Variants in TANC1 observed in about 807,000 individuals in gnomAD.
TANC1 encodes the protein tetratricopeptide repeat, ankyrin repeat and coiled-coil containing 1, also known as protein TANC1.
A neutral mutation model predicts 149.7 loss-of-function variants in TANC1; 77 were observed. The ratio of observed to expected loss-of-function variants is 0.51; its 90% CI spans 0.43 to 0.62. TANC1 has a LOEUF of 0.62. Ranked by LOEUF, TANC1 falls within the 20% of genes least tolerant of loss-of-function variation. TANC1 has a pLI of 0.00. For synonymous variants in TANC1, 854 were observed against 925.0 expected, an observed-to-expected ratio of 0.92 and a Z score of 1.39; for missense variants, 1,985 against 2,321.8, an observed-to-expected ratio of 0.85 and a Z score of 2.98.
At chr2:159,142,051 G>A (rs1383938172) in intron 5 of TANC1, among the ~76,000 whole-genome samples, 1 of 152,198 alleles carries the variant, frequency 6.6e-6, no homozygotes, top group Admixed American at 6.5e-5. Context: ...TGAAGTTATA[G>A]GTATGTGATA....
intron 3 of TANC1, among the ~76,000 whole-genome samples, chr2:159,079,393 G>GT (rs2044035124): frequency 7.7e-6 from 1 of 130,086 alleles, no homozygotes; most frequent in Admixed American, 9.3e-5. Context: ...TTCAGACAGT[G>GT]TGCTGCATGT....
At chr2:159,061,212 G>C (rs975688216) in intron 2 of TANC1, among the ~76,000 whole-genome samples, 1 of 152,138 alleles carries the variant, frequency 6.6e-6, no homozygotes, top group Non-Finnish European at 1.5e-5. Context: ...TTCAGTTTTA[G>C]TTGTAGTAAC....
chr2:159,066,045 AT>A (rs2042630576), intron 3 of TANC1, 74 bp downstream of exon 3: 1 of 1,218,898 alleles, frequency 8.2e-7, no homozygotes, highest in Admixed American at 1.7e-5. Flanking sequence ...GGCCGGATGG[AT>A]TTGTTGCTTT....
intron 2 of TANC1, among the ~76,000 whole-genome samples, chr2:159,057,574 A>G (rs1283526568): frequency 6.6e-6 from 1 of 152,238 alleles, no homozygotes; most frequent in Non-Finnish European, 1.5e-5. Flanking sequence ...GTAGAAGGAT[A>G]TTAATTTTAC....
intron 16 of TANC1, 72 bp from the exon 17 acceptor site, chr2:159,194,185 G>A: frequency 8.2e-7 from 1 of 1,224,474 alleles, no homozygotes; most frequent in South Asian, 1.2e-5. Context: ...GAAAATTGAG[G>A]ATACTGCCCA....
At chr2:159,147,062 C>T (rs1031626495) in intron 5 of TANC1, among the ~76,000 whole-genome samples, 1 of 152,168 alleles carries the variant, frequency 6.6e-6, no homozygotes, top group African/African-American at 2.4e-5. Flanking sequence ...GGATCAGGGT[C>T]CTCCTGCCAG....
chr2:159,046,589 C>CTTTTTTTTTTTTTTTTTTT (rs57208685), intron 2 of TANC1, among the ~76,000 whole-genome samples: 3 of 84,388 alleles, frequency 3.6e-5, no homozygotes, highest in African/African-American at 1.1e-4. Context: ...CTTTTCTTTA[C>CTTTTTTTTTTTTTTTTTTT]TTTTTTTTTT....
intron 4 of TANC1, among the ~76,000 whole-genome samples, chr2:159,122,966 C>T (rs757028038): frequency 6.6e-6 from 1 of 152,042 alleles, no homozygotes; most frequent in Non-Finnish European, 1.5e-5. Context: ...CTCAGTGCAA[C>T]CTAGTCAGGT....
chr2:159,092,914 A>G (rs1243749171), intron 3 of TANC1, among the ~76,000 whole-genome samples: 1 of 152,182 alleles, frequency 6.6e-6, no homozygotes, highest in Non-Finnish European at 1.5e-5. Context: ...AGTGGTGAGA[A>G]TGTTAGAGCC....
intron 10 of TANC1, among the ~76,000 whole-genome samples, chr2:159,171,221 T>G (rs1352954079): frequency 6.6e-6 from 1 of 152,226 alleles, no homozygotes; most frequent in Admixed American, 6.5e-5. Context: ...TTTCCAAAAT[T>G]ATAAAGACAT....
chr2:158,981,745 A>C (rs1422535743), intron 1 of TANC1, among the ~76,000 whole-genome samples: 1 of 151,558 alleles, frequency 6.6e-6, no homozygotes, highest in Non-Finnish European at 1.5e-5. Context: ...TTGGTGGTTG[A>C]ATTTTATTCC....
In TANC1 at chr2:159,219,729, A is replaced by C; in HGVS notation, c.3540A>C (p.Ser1180=). 6.2e-7 allele frequency: 1 copy of C among 1,614,206 alleles called. No individual in the cohort carries two copies. The highest frequency in any genetic ancestry group is 8.5e-7 in the Non-Finnish European group (1 of 1,180,048). ...ALSSLDKEGL[S]ALSWACLKGH... Reference sequence around the variant, plus strand: ...CTTCTCTAGACAAAGAGGGTCTGTCAGCATTAAGCTGGGCTTGTCTGAAAG... The same window carrying C: ...CTTCTCTAGACAAAGAGGGTCTGTCCGCATTAAGCTGGGCTTGTCTGAAAG... The change falls in exon 22 of 27, where the codon TCA becomes TCC. Residue 1180 remains serine, a synonymous_variant. Transcript: ENST00000263635.
At chr2:159,160,212 C>T (rs2053905442) in intron 7 of TANC1, among the ~76,000 whole-genome samples, 1 of 152,074 alleles carries the variant, frequency 6.6e-6, no homozygotes, top group Non-Finnish European at 1.5e-5. Flanking sequence ...TGATAGCAAG[C>T]TGTAATTGAC....
At chr2:159,089,800 C>G (rs894804562) in intron 3 of TANC1, among the ~76,000 whole-genome samples, 1 of 152,244 alleles carries the variant, frequency 6.6e-6, no homozygotes, top group Non-Finnish European at 1.5e-5. Context: ...GAGCAGGGCA[C>G]TGGCACTCTT....
chr2:159,138,455 T>G (rs1465076468), intron 5 of TANC1, among the ~76,000 whole-genome samples: 60 of 145,132 alleles, frequency 4.1e-4, no homozygotes, highest in Admixed American at 3.8e-3. Flanking sequence ...ATGGAGTCCC[T>G]TAAATTTCAA....
chr2:159,230,247 C>T lies in TANC1; in HGVS notation c.4821C>T (p.Val1607=). The change falls in exon 27 of 27, where the codon GTC becomes GTT. Residue 1607 remains valine (V), a synonymous_variant. Coordinates refer to ENST00000263635, the MANE Select transcript of TANC1 (RefSeq NM_033394.3). The surrounding 1 kb of genome is among the most constrained non-coding windows in gnomAD (Gnocchi z 4.4). ...ATCGGCTGGGCCCCAGCCAGAATGT[C>T]CGCCTGCAGTGTGGTGAGAATGGCC... ...FGDRLGPSQN[V]RLQCGENGPA... is the part of the protein sequence containing the mutation. 1 of 1,613,988 alleles carries T rather than the reference C, an allele frequency of 6.2e-7. No individual in the cohort carries two copies. The highest frequency in any genetic ancestry group is 8.5e-7 in the Non-Finnish European group (1 of 1,180,038).
chr2:159,077,193 G>A (rs895858893), intron 3 of TANC1, among the ~76,000 whole-genome samples: 6 of 151,430 alleles, frequency 4.0e-5, no homozygotes, highest in East Asian at 1.9e-4. Flanking sequence ...TAGTTGCTGC[G>A]CTACAGGCGT....
chr2:159,216,512 C>T (rs1203009637), intron 19 of TANC1, among the ~76,000 whole-genome samples: 2 of 152,146 alleles, frequency 1.3e-5, no homozygotes, highest in African/African-American at 2.4e-5. Context: ...CCTCCGTCCT[C>T]CTCTCTAGAC....
chr2:159,153,467 T>A (rs2053080709), intron 7 of TANC1, among the ~76,000 whole-genome samples: 1 of 152,236 alleles, frequency 6.6e-6, no homozygotes, highest in Non-Finnish European at 1.5e-5. Context: ...CCACTGTGTT[T>A]TCCTGCAGGT....
Sources: allele counts gnomAD v4.1 joint callset (sites outside exome capture counted in the v4.1 genomes callset), GRCh38; gene constraint gnomAD v4.1.1; non-coding constraint Gnocchi (gnomAD v3.1); transcripts MANE v1.5; gene names NCBI Gene and HGNC (gene_info 2026-07-23, HGNC 2026-07-21).